The following KCNQ1OT1 variants were observed in gnomAD, a reference collection of about 807,000 sequenced individuals.
KCNQ1OT1 encodes the protein KCNQ1 opposite strand/antisense transcript 1.
exon 1 of KCNQ1OT1, chr11:2,635,616 G>C (rs1849451737): frequency 6.6e-6 from 1 of 152,198 alleles, no homozygotes; most frequent in Non-Finnish European, 1.5e-5. Context: ...CAGGTAGCGT[G>C]ATGCCTCCAG....
exon 1 of KCNQ1OT1, chr11:2,610,488 G>T (rs1027568597): frequency 5.0e-6 from 2 of 398,148 alleles, no homozygotes; most frequent in African/African-American, 2.1e-5. Flanking sequence ...CCAACTGGTG[G>T]TATTTCCTTA....
chr11:2,674,002 C>T lies in KCNQ1OT1; in HGVS notation n.25993G>A, dbSNP rs1850239298. ...TTGGGGGTGGGGTGGGGGGAGGGCC[C>T]TCCGTGCTTTCTGGCTCTTTGGGCC... is the stretch of plus-strand genomic sequence containing the variant. On this transcript the variant is annotated non_coding_transcript_exon_variant, in exon 1 of 1. Transcript: ENST00000597346. This position sits in a 1 kb window ranked among gnomAD's most constrained non-coding sequence, Gnocchi z 5.9. The T allele has an allele frequency of 5.0e-6, 2 of 397,944 alleles. No individual in the cohort carries two copies. Among genetic ancestry groups the T allele is most frequent in the Admixed American group, 4.4e-5 (1 of 22,672 alleles). 24.7% of individuals were successfully genotyped at this position (397,944 alleles called of 1,614,324 possible).
Position 2,608,406 on chromosome 11 carries a change from G to A in KCNQ1OT1, n.91589C>T, listed in dbSNP as rs1044876427. 2.5e-6 allele frequency: 1 copy of A among 398,514 alleles called. No homozygotes were observed. Among genetic ancestry groups the A allele is most frequent in the Non-Finnish European group, 4.4e-6 (1 of 226,038 alleles). The allele number at this position is 398,514 out of a possible 1,614,324, so 24.7% of individuals were successfully genotyped here. On this transcript the variant is annotated non_coding_transcript_exon_variant, in exon 1 of 1. Transcript: ENST00000597346. The surrounding 1 kb of genome is among the most constrained non-coding windows in gnomAD (Gnocchi z 4.6). ...TTTTATAATTTATTGGCACAAAATTGTTCATAGTGTTCCTTCATAATCCTT... is the reference window on the plus strand; with the variant it reads ...TTTTATAATTTATTGGCACAAAATTATTCATAGTGTTCCTTCATAATCCTT...
Position 2,667,135 on chromosome 11 carries a change from G to A in KCNQ1OT1, n.32860C>T, listed in dbSNP as rs566034359. The A allele has an allele frequency of 2.8e-5, 11 of 398,654 alleles. No homozygotes were observed. In the South Asian group the frequency reaches 6.4e-4, roughly 23 times the overall value. The allele number at this position is 398,654 out of a possible 1,614,324, so 24.7% of individuals were successfully genotyped here. ...CGTAATGGCTCAGTGGGAAAGAGATGGGATTGGGAATCAGATGCCCTCAAT... is the reference window on the plus strand; with the variant it reads ...CGTAATGGCTCAGTGGGAAAGAGATAGGATTGGGAATCAGATGCCCTCAAT... On this transcript the variant is annotated non_coding_transcript_exon_variant, in exon 1 of 1. Coordinates refer to ENST00000597346, the Ensembl canonical transcript of KCNQ1OT1.
Position 2,679,244 on chromosome 11 carries a change from G to T in KCNQ1OT1, n.20751C>A. On this transcript the variant is annotated non_coding_transcript_exon_variant, in exon 1 of 1. Coordinates refer to ENST00000597346, the Ensembl canonical transcript of KCNQ1OT1. The surrounding 1 kb of genome is among the most constrained non-coding windows in gnomAD (Gnocchi z 4.8). ...CTGGTCCAGAGGACTACAGCTGCCT[G>T]TCCCACCCTTGGCTGTGCTCTCCTT... 2.5e-6 allele frequency: 1 copy of T among 398,670 alleles called. No individual in the cohort carries two copies. Among genetic ancestry groups the T allele is most frequent in the Non-Finnish European group, 4.4e-6 (1 of 226,092 alleles). 24.7% of individuals were successfully genotyped at this position (398,670 alleles called of 1,614,324 possible). A position where few individuals can be genotyped will look rare whatever the true frequency, so the allele number is the denominator to read the frequency against.
At chr11:2,633,683 T>G (rs971605898) in exon 1 of KCNQ1OT1, 5 of 398,436 alleles carry the variant, frequency 1.3e-5, no homozygotes, top group African/African-American at 1.0e-4. Flanking sequence ...GTAAATAAAT[T>G]TATTTACTTC....
At chr11:2,665,137 T>C in exon 1 of KCNQ1OT1, 3 of 398,586 alleles carry the variant, frequency 7.5e-6, no homozygotes, top group African/African-American at 6.2e-5. Flanking sequence ...TGGGCCCTAC[T>C]GCTCAGCCTC....
chr11:2,690,534 G>C lies in KCNQ1OT1; in HGVS notation n.9461C>G, dbSNP rs1040194026. 2.5e-6 allele frequency: 1 copy of C among 398,590 alleles called. No homozygotes were observed. Among genetic ancestry groups the C allele is most frequent in the African/African-American group, 2.1e-5 (1 of 48,638 alleles). 24.7% of individuals were successfully genotyped at this position (398,590 alleles called of 1,614,324 possible). On this transcript the variant is annotated non_coding_transcript_exon_variant, in exon 1 of 1. Coordinates refer to ENST00000597346, the Ensembl canonical transcript of KCNQ1OT1. The surrounding 1 kb of genome is among the most constrained non-coding windows in gnomAD (Gnocchi z 5.1). ...CCTATCACAAAGAAAGTGCCACTGG[G>C]CCTAGGGAAGGACAAGAAGTAACAT...
chr11:2,634,002 T>C, exon 1 of KCNQ1OT1: 1 of 398,666 alleles, frequency 2.5e-6, no homozygotes, highest in East Asian at 3.6e-5. Context: ...GACTGTATTT[T>C]GATGTCAGGC....
In KCNQ1OT1 at chr11:2,628,250, A is replaced by G. The variant is rs1849292039; in HGVS notation, n.71745T>C. The stretch of plus-strand genomic sequence containing the variant: ...ATGACTGTATCAATTTACATTCCTA[A>G]CAAAAATGTATAAGGGACACCTTTT... On this transcript the variant is annotated non_coding_transcript_exon_variant, in exon 1 of 1. Transcript: ENST00000597346. 1.5e-5 allele frequency: 6 copies of G among 398,584 alleles called. 1 individual carries two copies. The Admixed American group carries it at 1.8e-4, about 12-fold the overall frequency. The allele number at this position is 398,584 out of a possible 1,614,324, so 24.7% of individuals were successfully genotyped here.
chr11:2,650,009 G>A (rs966389759), exon 1 of KCNQ1OT1: 1 of 398,040 alleles, frequency 2.5e-6, no homozygotes, highest in African/African-American at 2.1e-5. Context: ...AAATCTGTCT[G>A]GTTTATTGCA....
exon 1 of KCNQ1OT1, chr11:2,619,929 A>G (rs1443514299): frequency 5.1e-6 from 2 of 395,148 alleles, no homozygotes; most frequent in African/African-American, 2.1e-5. Context: ...AGTATACTGC[A>G]TGATGATGAG....
chr11:2,634,376 C>T (rs1269784928), exon 1 of KCNQ1OT1: 4 of 222,390 alleles, frequency 1.8e-5, no homozygotes, highest in South Asian at 2.1e-4. Context: ...CCCCTTCCTA[C>T]GTCCAAGTGT....
exon 1 of KCNQ1OT1, chr11:2,675,120 C>T (rs149794494): frequency 2.3e-5 from 9 of 398,528 alleles, no homozygotes; most frequent in African/African-American, 1.9e-4. Flanking sequence ...GGTGGGTTCA[C>T]TAGCCTCTTT....
chr11:2,661,312 G>C lies in KCNQ1OT1; in HGVS notation n.38683C>G, dbSNP rs888348157. ...TACTGATAGTGTCAACAGAGAGTGG[G>C]GAGTGATAAGGATCAGTATCCTGAG... On this transcript the variant is annotated non_coding_transcript_exon_variant, in exon 1 of 1. Transcript: ENST00000597346. The surrounding 1 kb of genome is among the most constrained non-coding windows in gnomAD (Gnocchi z 5.9). 23 of 401,312 alleles carry C rather than the reference G, an allele frequency of 5.7e-5. No individual in the cohort carries two copies. Among genetic ancestry groups the C allele is most frequent in the Non-Finnish European group, 1.0e-4 (23 of 227,720 alleles). The allele number at this position is 401,312 out of a possible 1,614,324, so 24.9% of individuals were successfully genotyped here.
rs1195167142 is a variant in KCNQ1OT1, at chr11:2,621,867, C to G, written n.78128G>C. ...CTTTTTTCCCCTATGGTTTTTCTTT[C>G]TAACTTGTCTCTGTTCTGATCTTTA... On this transcript the variant is annotated non_coding_transcript_exon_variant, in exon 1 of 1. Transcript: ENST00000597346. The surrounding 1 kb of genome is among the most constrained non-coding windows in gnomAD (Gnocchi z 5.7). 1 of 398,012 alleles carries G rather than the reference C, an allele frequency of 2.5e-6. No individual in the cohort carries two copies. The highest frequency in any genetic ancestry group is 4.4e-6 in the Non-Finnish European group (1 of 225,890). The allele number at this position is 398,012 out of a possible 1,614,324, so 24.7% of individuals were successfully genotyped here.
rs1367596577 is a variant in KCNQ1OT1, at chr11:2,664,280, A to G, written n.35715T>C. ...GGGAAAAACAAGGAGGTTGCTGCAA[A>G]GGGGCCACCTTGAGGCATTGTGTTC... On this transcript the variant is annotated non_coding_transcript_exon_variant, in exon 1 of 1. Coordinates refer to ENST00000597346, the Ensembl canonical transcript of KCNQ1OT1. This position sits in a 1 kb window ranked among gnomAD's most constrained non-coding sequence, Gnocchi z 5.1. The G allele has an allele frequency of 5.0e-6, 2 of 398,962 alleles. No individual in the cohort carries two copies. Among genetic ancestry groups the G allele is most frequent in the Non-Finnish European group, 8.8e-6 (2 of 226,444 alleles). The allele number at this position is 398,962 out of a possible 1,614,324, so 24.7% of individuals were successfully genotyped here. A position where few individuals can be genotyped will look rare whatever the true frequency, so the allele number is the denominator to read the frequency against.
At chr11:2,666,999 C>T (rs1850084840) in exon 1 of KCNQ1OT1, 1 of 398,722 alleles carries the variant, frequency 2.5e-6, no homozygotes, top group Non-Finnish European at 4.4e-6. Flanking sequence ...TACAGGGCTG[C>T]ATGAGTCATA....
chr11:2,685,940 T>A, exon 1 of KCNQ1OT1: 1 of 398,694 alleles, frequency 2.5e-6, no homozygotes, highest in East Asian at 3.6e-5. Context: ...CACTCTCCCA[T>A]CCTCCTGCTG....
Sources: allele counts gnomAD v4.1 joint callset, GRCh38; gene constraint gnomAD v4.1.1; non-coding constraint Gnocchi (gnomAD v3.1); transcripts MANE v1.5; gene names NCBI Gene and HGNC (gene_info 2026-07-23, HGNC 2026-07-21).